SSH2: variants seen among roughly 807,000 people sequenced by gnomAD.
SSH2 encodes the protein slingshot protein phosphatase 2.
A neutral mutation model predicts 135.2 loss-of-function variants in SSH2; 37 were observed. That is an observed-to-expected ratio of 0.27 (90% CI 0.21 to 0.36). The LOEUF (loss-of-function observed/expected upper bound fraction) is 0.36, where lower values mean the gene tolerates loss of function less well. Ranked by LOEUF, SSH2 falls within the 10% of genes least tolerant of loss-of-function variation. The pLI, the probability that SSH2 is intolerant of heterozygous loss-of-function variation, is 1.00. For synonymous variants in SSH2, 628 were observed against 646.2 expected (o/e 0.97, Z 0.43); for missense variants, 1,408 against 1,765.3 (o/e 0.80, Z 3.63).
Position 29,836,055 on chromosome 17 carries a change from C to T in SSH2, c.144+12794G>A, listed in dbSNP as rs183405546. On this transcript the variant is annotated intron_variant, in intron 2 of 15. Transcript: ENST00000540801. The stretch of plus-strand genomic sequence containing the variant: ...TTATTATTTATAAATTTTATAATGC[C>T]TCTTCTGAAAATTTGGTACAGTGTC... Among the ~76,000 whole-genome samples, 8 of 151,064 alleles carry T rather than the reference C, an allele frequency of 5.3e-5. No individual in the cohort carries two copies. In the East Asian group the frequency reaches 1.6e-3, roughly 29 times the overall value.
chr17:29,817,297 C>G (rs1056165269), intron 2 of SSH2, among the ~76,000 whole-genome samples: 2 of 152,180 alleles, frequency 1.3e-5, no homozygotes, highest in Admixed American at 1.3e-4. Flanking sequence ...TATACCTTAC[C>G]CTCCCATTTT....
At chr17:29,768,388 G>C (rs1021079313) in intron 3 of SSH2, among the ~76,000 whole-genome samples, 3 of 151,424 alleles carry the variant, frequency 2.0e-5, no homozygotes, top group Admixed American at 1.3e-4. Context: ...AACCGCCTGG[G>C]CTCAAGCAGT....
intron 3 of SSH2, among the ~76,000 whole-genome samples, chr17:29,782,879 C>A (rs2041870367): frequency 6.6e-6 from 1 of 152,184 alleles, no homozygotes; most frequent in Non-Finnish European, 1.5e-5. Flanking sequence ...CGCCACTACA[C>A]CTGGCTAATT....
intron 2 of SSH2, among the ~76,000 whole-genome samples, chr17:29,813,194 C>T (rs949821845): frequency 4.4e-4 from 66 of 151,616 alleles, no homozygotes; most frequent in Non-Finnish European, 7.8e-4. Flanking sequence ...ACCAGCTTGG[C>T]CAACATGGCG....
chr17:29,733,113 G>A (rs1167883326), intron 3 of SSH2, among the ~76,000 whole-genome samples: 1 of 152,208 alleles, frequency 6.6e-6, no homozygotes, highest in Non-Finnish European at 1.5e-5. Flanking sequence ...CAGTCTTTTA[G>A]TTGACAGCTT....
At chr17:29,798,440 A>T (rs1247331990) in intron 2 of SSH2, among the ~76,000 whole-genome samples, 1 of 152,000 alleles carries the variant, frequency 6.6e-6, no homozygotes, top group East Asian at 1.9e-4. Context: ...TACAGGTGTG[A>T]GCCACCGTGC....
At chr17:29,709,015 T>TATATATATATATATAGAGAGAGAGAG (rs780981175) in intron 3 of SSH2, among the ~76,000 whole-genome samples, 4 of 81,584 alleles carry the variant, frequency 4.9e-5, no homozygotes, top group African/African-American at 1.6e-4. Flanking sequence ...TATATATATA[T>TATATATATATATATAGAGAGAGAGAG]AGAGAGAGAG....
rs2038687391 is a variant in SSH2, at chr17:29,695,477, T to C, written c.339A>G (p.Pro113=). 2 of 1,612,758 alleles carry C rather than the reference T, an allele frequency of 1.2e-6. No homozygotes were observed. Among genetic ancestry groups the C allele is most frequent in the Non-Finnish European group, 1.7e-6 (2 of 1,179,474 alleles). The change falls in exon 5 of 16, where the codon CCA becomes CCG. Residue 113 remains proline, a synonymous_variant. Coordinates refer to ENST00000540801, the MANE Select transcript of SSH2 (RefSeq NM_001282129.2). Reference sequence around the variant, plus strand: ...AACTTACCAGCCTGATGTTGTCTTCTGGGCGGAGTAAAATGAACATTGCTT... The same window carrying C: ...AACTTACCAGCCTGATGTTGTCTTCCGGGCGGAGTAAAATGAACATTGCTT... ...HLQAMFILLR[P]EDNIRLAVRL... is the part of the protein sequence containing the mutation.
At chr17:29,900,974 T>C (rs1052514939) in intron 1 of SSH2, among the ~76,000 whole-genome samples, 2 of 152,140 alleles carry the variant, frequency 1.3e-5, no homozygotes, top group African/African-American at 4.8e-5. Flanking sequence ...TTCATGTCCT[T>C]TGTAGGGACA....
chr17:29,704,853 A>G (rs2039135348), intron 3 of SSH2, among the ~76,000 whole-genome samples: 1 of 152,192 alleles, frequency 6.6e-6, no homozygotes, highest in African/African-American at 2.4e-5. Context: ...AAAGGACAGA[A>G]CTTAACTCAC....
intron 4 of SSH2, among the ~76,000 whole-genome samples, chr17:29,696,230 TAC>T (rs1202367018): frequency 5.4e-5 from 8 of 149,072 alleles, no homozygotes; most frequent in African/African-American, 2.0e-4. Flanking sequence ...CGTATACATA[TAC>T]ACAGAGTGAG....
In SSH2 at chr17:29,632,508, C is replaced by T. The variant is rs760976607; in HGVS notation, c.2686G>A (p.Ala896Thr). 2.5e-6 allele frequency: 4 copies of T among 1,614,180 alleles called. No individual in the cohort carries two copies. The South Asian group carries it at 4.4e-5, about 18-fold the overall frequency. The change falls in exon 16 of 16, where the codon GCC becomes ACC. Residue 896 changes from alanine to threonine, a missense_variant. This residue lies in a region of SSH2 where 1,080 missense variants were observed against 1,144.5 expected (regional missense o/e 0.94). Transcript: ENST00000540801. Reference protein sequence around the residue: ...AKWYPGSVRRATLEFEERLRQ... With the variant: ...AKWYPGSVRRTTLEFEERLRQ... ...AAGCGCTCTTCGAACTCCAAGGTGGCTCGCCTCACAGACCCAGGGTACCAC... is the reference window on the plus strand; with the variant it reads ...AAGCGCTCTTCGAACTCCAAGGTGGTTCGCCTCACAGACCCAGGGTACCAC...
At chr17:29,679,248 A>G (rs1380045408) in intron 6 of SSH2, among the ~76,000 whole-genome samples, 1 of 152,084 alleles carries the variant, frequency 6.6e-6, no homozygotes, top group Non-Finnish European at 1.5e-5. Flanking sequence ...ATCTATCTAG[A>G]GCGGAAGCAT....
intron 14 of SSH2, among the ~76,000 whole-genome samples, chr17:29,642,946 C>T (rs976361202): frequency 6.6e-6 from 1 of 152,224 alleles, no homozygotes; most frequent in African/African-American, 2.4e-5. Context: ...CATGGAGCTA[C>T]CGAATGCTAG....
chr17:29,883,061 G>T (rs989186288), intron 1 of SSH2: 1 of 151,806 alleles, frequency 6.6e-6, no homozygotes, highest in African/African-American at 2.4e-5. Context: ...TGTGTGAGAT[G>T]TGCCTCCCTT....
chr17:29,685,194 T>C (rs1171928697), intron 5 of SSH2, among the ~76,000 whole-genome samples: 1 of 152,198 alleles, frequency 6.6e-6, no homozygotes, highest in African/African-American at 2.4e-5. Context: ...TCAGTTTCGA[T>C]GATAATGAAA....
chr17:29,703,011 C>T lies in SSH2; in HGVS notation c.240G>A (p.Arg80=). ...TTCTTGGTGTGGATGAGCCATTTCC[C>T]CGTGGTAGAAAAAGGGCAGCACCTT... ...TVKGAALFLP[R]GNGSSTPRIS... Residue 80 remains arginine (R), a synonymous_variant, in exon 4 of 16, where the codon CGG becomes CGA. Coordinates refer to ENST00000540801, the MANE Select transcript of SSH2 (RefSeq NM_001282129.2). 3 of 1,613,842 alleles carry T rather than the reference C, an allele frequency of 1.9e-6. No homozygotes were observed. Among genetic ancestry groups the T allele is most frequent in the African/African-American group, 2.7e-5 (2 of 74,990 alleles).
rs1055010655 is a variant in SSH2 at position 29,702,864 on chromosome 17, A to G, written c.292+95T>C. On this transcript the variant is annotated intron_variant, in intron 4 of 15. Coordinates refer to ENST00000540801, the MANE Select transcript of SSH2 (RefSeq NM_001282129.2). ...ACAATGCTTTCTTTCACCATTAAAG[A>G]ACTTCTGAAGAGATGGGGATGAGGT... The G allele has an allele frequency of 5.0e-6, 5 of 1,000,440 alleles. No homozygotes were observed. The African/African-American group carries it at 8.0e-5, about 16-fold the overall frequency. 62.0% of individuals were successfully genotyped at this position (1,000,440 alleles called of 1,614,324 possible).
intron 3 of SSH2, among the ~76,000 whole-genome samples, chr17:29,704,679 G>A (rs2039125931): frequency 6.7e-6 from 1 of 148,768 alleles, no homozygotes; most frequent in South Asian, 2.1e-4. Context: ...CTCCAGCTGG[G>A]GCGACAGAGC....
Sources: allele counts gnomAD v4.1 joint callset (sites outside exome capture counted in the v4.1 genomes callset), GRCh38; gene constraint gnomAD v4.1.1; regional missense constraint gnomAD v4.1.1; transcripts MANE v1.5; gene names NCBI Gene and HGNC (gene_info 2026-07-23, HGNC 2026-07-21).